BZW1: variants seen among roughly 807,000 people sequenced by gnomAD.
The protein encoded by BZW1 is basic leucine zipper and W2 domains 1.
BZW1 carries 3 observed loss-of-function variants against 54.1 expected under a neutral mutation model. The observed-to-expected ratio is 0.06, with a 90% CI of 0.03 to 0.14. The LOEUF is 0.14. Ranked by LOEUF, BZW1 falls within the 10% of genes least tolerant of loss-of-function variation. The pLI, the probability that BZW1 is intolerant of heterozygous loss-of-function variation, is 1.00. For missense variants in BZW1, 206 were observed against 491.7 expected (o/e 0.42, Z 5.50); for synonymous variants, 152 against 162.7 (o/e 0.93, Z 0.50).
intron 6 of BZW1, 103 bp from the exon 7 acceptor site, chr2:200,817,868 AGTC>A (rs2038350417): frequency 4.0e-6 from 3 of 747,870 alleles, no homozygotes; most frequent in Admixed American, 5.9e-5. Context: ...TTGTGAGGAA[AGTC>A]AGTAATCCCA....
At chr2:200,813,306 C>G (rs779616911) in intron 2 of BZW1, 25 bp downstream of exon 2, 6 of 1,572,460 alleles carry the variant, frequency 3.8e-6, no homozygotes, top group African/African-American at 2.7e-5. Flanking sequence ...TTTAATGTCT[C>G]TCTTCAAACC....
Position 200,812,442 on chromosome 2 carries a change from C to T in BZW1, c.-11+452C>T. On this transcript the variant is annotated intron_variant, in intron 1 of 11. Coordinates refer to ENST00000409600, the MANE Select transcript of BZW1 (RefSeq NM_001207067.2). ...GCGCCTGGGGCCCCGGCGCAAAGCG[C>T]CTCAGTGACTGTGGTCCGCTCGTTG... is the stretch of plus-strand genomic sequence containing the variant. 2.3e-6 allele frequency: 3 copies of T among 1,310,722 alleles called. No individual in the cohort carries two copies. Among genetic ancestry groups the T allele is most frequent in the Non-Finnish European group, 2.9e-6 (3 of 1,028,200 alleles). 81.2% of individuals were successfully genotyped at this position (1,310,722 alleles called of 1,614,324 possible).
At chr2:200,812,380 G>T (rs1030664153) in intron 1 of BZW1, 5 of 1,284,596 alleles carry the variant, frequency 3.9e-6, no homozygotes, top group Non-Finnish European at 4.9e-6. Flanking sequence ...CGCCGCCTCC[G>T]CCGCTGCTTT....
At position 200,826,397 on chromosome 2, in the gene BZW1, ATAGATAGATATTTTTTTTTTTTTTTT is replaced by A. The variant is rs2038695202; in HGVS notation, c.*4221_*4246del. Reference sequence around the variant, plus strand: ...TATAGATAGATAGATAGATAGATAGATAGATAGATATTTTTTTTTTTTTTTTTTTTTTTTTTTTTTTTTTTGAGACA... The same window carrying A: ...TATAGATAGATAGATAGATAGATAGATTTTTTTTTTTTTTTTTTTGAGACA... On this transcript the variant is annotated 3_prime_UTR_variant, in exon 12 of 12. Transcript: ENST00000409600. 1.6e-5 allele frequency: 1 copy of A among 63,340 alleles called. No individual in the cohort carries two copies. The highest frequency in any genetic ancestry group is 5.4e-5 in the African/African-American group (1 of 18,450). 3.9% of individuals were successfully genotyped at this position (63,340 alleles called of 1,614,324 possible).
chr2:200,817,016 T>C, intron 5 of BZW1, 90 bp from the exon 6 acceptor site: 2 of 1,453,746 alleles, frequency 1.4e-6, no homozygotes, highest in East Asian at 4.9e-5. Flanking sequence ...AGCCCACGTA[T>C]TGAACAGGTA....
At position 200,817,060 on chromosome 2, in the gene BZW1, G is replaced by A. The variant is rs541410065; in HGVS notation, c.403-46G>A. The A allele has an allele frequency of 6.2e-4, 983 of 1,594,994 alleles. 15 individuals carry two copies. In the South Asian group the frequency reaches 0.01, roughly 17 times the overall value. ...AACATGCTTTACTGCTTCTCTTATT[G>A]TAATGCAGTTGCTGTTTTAACCCTT... On this transcript the variant is annotated intron_variant, in intron 5 of 11. Transcript: ENST00000409600.
chr2:200,812,014 C>T (rs970451158), intron 1 of BZW1, 24 bp downstream of exon 1: 4 of 374,184 alleles, frequency 1.1e-5, no homozygotes, highest in Non-Finnish European at 1.9e-5. Flanking sequence ...CCCCGCTCAC[C>T]CCGGGCGGAC....
Position 200,825,533 on chromosome 2 carries a change from T to C in BZW1, c.*3355T>C, listed in dbSNP as rs1344404933. Reference sequence around the variant, plus strand: ...CAGGGTCAATAGAAAGTAGACGAAATTCATTTTCAGCCAATCTTTCACCAG... The same window carrying C: ...CAGGGTCAATAGAAAGTAGACGAAACTCATTTTCAGCCAATCTTTCACCAG... On this transcript the variant is annotated 3_prime_UTR_variant, in exon 12 of 12. Coordinates refer to ENST00000409600, the MANE Select transcript of BZW1 (RefSeq NM_001207067.2). 1 of 152,218 alleles carries C rather than the reference T, an allele frequency of 6.6e-6. No homozygotes were observed. Among genetic ancestry groups the C allele is most frequent in the Non-Finnish European group, 1.5e-5 (1 of 68,044 alleles). 9.4% of individuals were successfully genotyped at this position (152,218 alleles called of 1,614,324 possible). A position where few individuals can be genotyped will look rare whatever the true frequency, so the allele number is the denominator to read the frequency against.
chr2:200,821,638 A>T (rs546970428), intron 11 of BZW1, among the ~76,000 whole-genome samples: 1 of 152,140 alleles, frequency 6.6e-6, no homozygotes, highest in South Asian at 2.1e-4. Context: ...GGCTCAAACA[A>T]CCTTCCTGCC....
rs1176923492 is a variant in BZW1 at position 200,822,380 on chromosome 2, G to A, written c.*202G>A. The A allele has an allele frequency of 6.3e-6, 3 of 475,684 alleles. No homozygotes were observed. The highest frequency in any genetic ancestry group is 1.1e-5 in the Non-Finnish European group (3 of 277,460). The allele number at this position is 475,684 out of a possible 1,614,324, so 29.5% of individuals were successfully genotyped here. ...TAAAACCATGTTTTAAGTAGCTACA[G>A]GAGCTATAGATTTGAATCTAATGTT... On this transcript the variant is annotated 3_prime_UTR_variant, in exon 12 of 12. Transcript: ENST00000409600.
rs11550649 is a variant in BZW1 at position 200,815,459 on chromosome 2, T to G, written c.183T>G (p.Leu61=). ...AKFLDASGAK[L]DYRRYAETLF... The stretch of plus-strand genomic sequence containing the variant: ...TTCTTGATGCTTCTGGAGCAAAACT[T>G]GATTACCGTCGATATGCAGAAACAC... The change falls in exon 3 of 12, where the codon CTT becomes CTG. Residue 61 remains leucine, a synonymous_variant. Transcript: ENST00000409600. 1 of 1,614,008 alleles carries G rather than the reference T, an allele frequency of 6.2e-7. No individual in the cohort carries two copies. The highest frequency in any genetic ancestry group is 8.5e-7 in the Non-Finnish European group (1 of 1,179,894).
In BZW1 at chr2:200,820,231, C is replaced by G. The variant is rs532556363; in HGVS notation, c.1105+111C>G. 137 of 1,038,018 alleles carry G rather than the reference C, an allele frequency of 1.3e-4. 3 individuals are homozygous for G. In the South Asian group the frequency reaches 2.3e-3, roughly 17 times the overall value. The allele number at this position is 1,038,018 out of a possible 1,614,324, so 64.3% of individuals were successfully genotyped here. On this transcript the variant is annotated intron_variant, in intron 10 of 11. Transcript: ENST00000409600. ...ATCAGCTCCCTGAAATATTTTACTT[C>G]TAGTTATGAGTCACCTCTGATTAAA...
chr2:200,816,308 T>C lies in BZW1; in HGVS notation c.337-17T>C. On this transcript the variant is annotated splice_polypyrimidine_tract_variant and intron_variant, in intron 4 of 11. Coordinates refer to ENST00000409600, the MANE Select transcript of BZW1 (RefSeq NM_001207067.2). ...GAAATATATGAAGTTACTGAATTCA[T>C]TTAATGTTCTTCATAGGTTTTTAAC... 2 of 1,557,152 alleles carry C rather than the reference T, an allele frequency of 1.3e-6. No individual in the cohort carries two copies. The highest frequency in any genetic ancestry group is 1.8e-6 in the Non-Finnish European group (2 of 1,138,010).
At chr2:200,812,815 AT>A in intron 1 of BZW1, 1 of 679,914 alleles carries the variant, frequency 1.5e-6, no homozygotes. Flanking sequence ...TGGCATACAC[AT>A]TTTGGATGCC....
intron 8 of BZW1, 63 bp from the exon 9 acceptor site, chr2:200,818,692 G>A: frequency 6.6e-7 from 1 of 1,516,132 alleles, no homozygotes; most frequent in Non-Finnish European, 8.8e-7. Flanking sequence ...GTCTAAACTT[G>A]ATGTGTGAAG....
chr2:200,816,720 G>C (rs1250149206), intron 5 of BZW1, among the ~76,000 whole-genome samples: 1 of 152,118 alleles, frequency 6.6e-6, no homozygotes, highest in Non-Finnish European at 1.5e-5. Flanking sequence ...TGAACTCCTG[G>C]CCTCAAGTGA....
intron 10 of BZW1, among the ~76,000 whole-genome samples, chr2:200,820,690 A>C (rs1030255229): frequency 4.6e-5 from 7 of 152,016 alleles, no homozygotes; most frequent in Admixed American, 2.0e-4. Context: ...TTTCAAAAAA[A>C]AAAAATCCCC....
At position 200,825,556 on chromosome 2, in the gene BZW1, C is replaced by G. The variant is rs1241056300; in HGVS notation, c.*3378C>G. On this transcript the variant is annotated 3_prime_UTR_variant, in exon 12 of 12. Coordinates refer to ENST00000409600, the MANE Select transcript of BZW1 (RefSeq NM_001207067.2). ...AATTCATTTTCAGCCAATCTTTCACCAGTTGTGCTTTGTTCCTTACCCCAC... is the reference window on the plus strand; with the variant it reads ...AATTCATTTTCAGCCAATCTTTCACGAGTTGTGCTTTGTTCCTTACCCCAC... The G allele has an allele frequency of 5.3e-5, 8 of 152,154 alleles. No individual in the cohort carries two copies. In the East Asian group the frequency reaches 1.5e-3, roughly 29 times the overall value. 9.4% of individuals were successfully genotyped at this position (152,154 alleles called of 1,614,324 possible). A position where few individuals can be genotyped will look rare whatever the true frequency, so the allele number is the denominator to read the frequency against.
At chr2:200,812,382 C>CGCT in intron 1 of BZW1, 1 of 1,285,342 alleles carries the variant, frequency 7.8e-7, no homozygotes, top group Non-Finnish European at 9.8e-7. Context: ...CCGCCTCCGC[C>CGCT]GCTGCTTTCG....
Sources: allele counts gnomAD v4.1 joint callset (sites outside exome capture counted in the v4.1 genomes callset), GRCh38; gene constraint gnomAD v4.1.1; transcripts MANE v1.5; gene names NCBI Gene and HGNC (gene_info 2026-07-23, HGNC 2026-07-21).